Variants in TNFAIP8 observed in about 807,000 individuals in gnomAD.
The protein encoded by TNFAIP8 is tumor necrosis factor alpha-induced protein 8.
TNFAIP8 carries 7 observed loss-of-function variants against 13.3 expected under a neutral mutation model. The observed-to-expected ratio is 0.52, with a 90% CI of 0.30 to 0.99. TNFAIP8 has a LOEUF of 0.99. TNFAIP8 is among the 50% of genes least tolerant of loss of function. The pLI, the probability that TNFAIP8 is intolerant of heterozygous loss-of-function variation, is 0.07. For synonymous variants in TNFAIP8, 94 were observed against 87.6 expected (o/e 1.07, Z -0.41); for missense variants, 258 against 236.9 (o/e 1.09, Z -0.58).
intron 1 of TNFAIP8, among the ~76,000 whole-genome samples, chr5:119,310,005 A>G (rs973385975): frequency 5.9e-5 from 9 of 152,196 alleles, no homozygotes; most frequent in African/African-American, 2.2e-4. Flanking sequence ...TGAATAAAAC[A>G]TCTGGCACAT....
chr5:119,327,171 C>T (rs1249643905), intron 1 of TNFAIP8, among the ~76,000 whole-genome samples: 3 of 152,146 alleles, frequency 2.0e-5, no homozygotes, highest in Non-Finnish European at 4.4e-5. Flanking sequence ...TTCCCAGACC[C>T]CCATTGGGAA....
intron 1 of TNFAIP8, among the ~76,000 whole-genome samples, chr5:119,337,822 T>C (rs1473260427): frequency 2.0e-5 from 3 of 152,164 alleles, no homozygotes; most frequent in African/African-American, 7.2e-5. Context: ...AAAGCCTCAT[T>C]AACACCCTAA....
At chr5:119,392,683 G>A (rs1431036086) in intron 1 of TNFAIP8, 133 bp from the exon 2 acceptor site, 12 of 1,063,120 alleles carry the variant, frequency 1.1e-5, no homozygotes, top group East Asian at 7.9e-5. Context: ...GACTAATGTC[G>A]GTAGATGTAA....
Position 119,399,103 on chromosome 5 carries a change from A to G in TNFAIP8, c.*5722A>G, listed in dbSNP as rs1297648564. On this transcript the variant is annotated 3_prime_UTR_variant, in exon 2 of 2. Transcript: ENST00000504771. ...TTAGTGTTCTCATGACCGAGGAGTC[A>G]CATTTTTAGCTTGCTAAAATATTCA... 6.6e-6 allele frequency: 1 copy of G among 152,252 alleles called. No individual in the cohort carries two copies. The highest frequency in any genetic ancestry group is 1.5e-5 in the Non-Finnish European group (1 of 68,048). The allele number at this position is 152,252 out of a possible 1,614,324, so 9.4% of individuals were successfully genotyped here. A position where few individuals can be genotyped will look rare whatever the true frequency, so the allele number is the denominator to read the frequency against.
intron 1 of TNFAIP8, among the ~76,000 whole-genome samples, chr5:119,365,038 G>C (rs539271377): frequency 3.3e-5 from 5 of 151,840 alleles, no homozygotes; most frequent in African/African-American, 9.7e-5. Context: ...TTTTAGTAAA[G>C]ATGAAGTTTC....
intron 1 of TNFAIP8, chr5:119,316,452 C>T (rs930305741): frequency 2.0e-5 from 3 of 152,266 alleles, no homozygotes; most frequent in Non-Finnish European, 4.4e-5. Context: ...AGCCGTCACA[C>T]CTGGCCTTCT....
At chr5:119,317,777 C>T (rs1300839740) in intron 1 of TNFAIP8, among the ~76,000 whole-genome samples, 2 of 151,846 alleles carry the variant, frequency 1.3e-5, no homozygotes, top group African/African-American at 2.4e-5. Context: ...TTTTAATTTT[C>T]GTAGAGACGG....
chr5:119,282,070 A>C (rs974680509), intron 1 of TNFAIP8, among the ~76,000 whole-genome samples: 8 of 152,206 alleles, frequency 5.3e-5, no homozygotes, highest in Non-Finnish European at 1.2e-4. Flanking sequence ...CACTTTTCAG[A>C]GTATCAACTA....
upstream of TNFAIP8, chr5:119,355,678 CTTTT>C (rs377189156): frequency 4.6e-5 from 16 of 344,654 alleles, no homozygotes; most frequent in Non-Finnish European, 2.1e-5. Flanking sequence ...TGAGATGAGA[CTTTT>C]TTTTTCTTTT....
chr5:119,398,242 A>C lies in TNFAIP8; in HGVS notation c.*4861A>C, dbSNP rs1375692296. ...TATTTCTGCCTCGTGGAAATAAAGTAGATGATCAGGCACTTGCGGTTTGTT... is the reference window on the plus strand; with the variant it reads ...TATTTCTGCCTCGTGGAAATAAAGTCGATGATCAGGCACTTGCGGTTTGTT... On this transcript the variant is annotated 3_prime_UTR_variant, in exon 2 of 2. Coordinates refer to ENST00000504771, the MANE Select transcript of TNFAIP8 (RefSeq NM_014350.4). 2 of 152,248 alleles carry C rather than the reference A, an allele frequency of 1.3e-5. No individual in the cohort carries two copies. The highest frequency in any genetic ancestry group is 2.9e-5 in the Non-Finnish European group (2 of 68,038). The allele number at this position is 152,248 out of a possible 1,614,324, so 9.4% of individuals were successfully genotyped here. A position where few individuals can be genotyped will look rare whatever the true frequency, so the allele number is the denominator to read the frequency against.
chr5:119,373,538 A>G (rs1398977776), intron 1 of TNFAIP8, among the ~76,000 whole-genome samples: 1 of 152,180 alleles, frequency 6.6e-6, no homozygotes, highest in Non-Finnish European at 1.5e-5. Context: ...TTTTCAGTCT[A>G]GAGGAGTTAA....
At chr5:119,369,055 CTT>C (rs61101551) in intron 1 of TNFAIP8, among the ~76,000 whole-genome samples, 15 of 104,958 alleles carry the variant, frequency 1.4e-4, no homozygotes, top group African/African-American at 1.2e-4. Context: ...CTTTTCTTTT[CTT>C]TTTTTTTTTT....
chr5:119,325,134 C>G lies in TNFAIP8; in HGVS notation c.1+56227C>G, dbSNP rs78929298. 2.6e-4 allele frequency among the ~76,000 whole-genome samples: 40 copies of G among 152,176 alleles called. 2 individuals are homozygous for G. In the East Asian group the frequency reaches 7.5e-3, roughly 29 times the overall value. The stretch of plus-strand genomic sequence containing the variant: ...CCATATATGGATGTGCCATAATTTA[C>G]TTAATCAGTCCCCATGTGGATAGTT... On this transcript the variant is annotated intron_variant, in intron 1 of 1. Coordinates refer to the TNFAIP8 transcript ENST00000274456.
intron 1 of TNFAIP8, among the ~76,000 whole-genome samples, chr5:119,298,443 C>A (rs574339194): frequency 1.3e-5 from 2 of 151,858 alleles, no homozygotes; most frequent in African/African-American, 4.8e-5. Flanking sequence ...CCCCCACTCT[C>A]TTCTGGCTTG....
chr5:119,299,930 C>G (rs1274992376), intron 1 of TNFAIP8, among the ~76,000 whole-genome samples: 1 of 152,232 alleles, frequency 6.6e-6, no homozygotes, highest in Non-Finnish European at 1.5e-5. Flanking sequence ...GGGTTATAAT[C>G]TCTTGGTGCA....
intron 1 of TNFAIP8, among the ~76,000 whole-genome samples, chr5:119,310,495 A>G (rs910891584): frequency 6.6e-6 from 1 of 152,216 alleles, no homozygotes; most frequent in African/African-American, 2.4e-5. Flanking sequence ...GAGAGGAGAG[A>G]GAGCGAAACC....
At chr5:119,343,606 T>C (rs1452555730) in intron 1 of TNFAIP8, among the ~76,000 whole-genome samples, 2 of 152,240 alleles carry the variant, frequency 1.3e-5, no homozygotes, top group Non-Finnish European at 2.9e-5. Context: ...CAGCATGCAT[T>C]GTATGCTCTA....
intron 1 of TNFAIP8, among the ~76,000 whole-genome samples, chr5:119,269,218 A>G (rs1403805233): frequency 6.6e-6 from 1 of 151,968 alleles, no homozygotes; most frequent in Non-Finnish European, 1.5e-5. Context: ...CGTGAGCCTC[A>G]TTCCTTCCCT....
At position 119,294,111 on chromosome 5, in the gene TNFAIP8, A is replaced by G. The variant is rs886762144; in HGVS notation, c.1+25204A>G. On this transcript the variant is annotated intron_variant, in intron 1 of 1. Transcript: ENST00000274456. ...TGCACAGTGTGCAGGTTAGTTACAT[A>G]TGTATACATGTGCCATGCTGGTGCG... Among the ~76,000 whole-genome samples the G allele has an allele frequency of 1.3e-4, 19 of 151,990 alleles. No individual in the cohort carries two copies. In the South Asian group the frequency reaches 3.7e-3, roughly 30 times the overall value.
Sources: gnomAD v4.1 joint callset for allele counts (sites outside exome capture counted in the v4.1 genomes callset) on GRCh38, gnomAD v4.1.1 for gene constraint, MANE v1.5 for transcripts, NCBI Gene and HGNC (gene_info 2026-07-23, HGNC 2026-07-21) for gene names.